SLC35F3: variants seen among roughly 807,000 people sequenced by gnomAD.
SLC35F3 encodes solute carrier family 35 member F3, also known as putative thiamine transporter SLC35F3.
In SLC35F3, 25 loss-of-function variants were observed where a neutral mutation model predicts 49.9. The observed-to-expected ratio is 0.50, with a 90% confidence interval of 0.37 to 0.70. The LOEUF (loss-of-function observed/expected upper bound fraction) is 0.70. Among genes scored for constraint, SLC35F3 ranks in the 30% least tolerant of loss-of-function variants. The pLI, the probability that SLC35F3 is intolerant of heterozygous loss-of-function variation, is 0.00. For synonymous variants in SLC35F3, 275 were observed against 265.4 expected, an observed-to-expected ratio of 1.04 and a Z score of -0.35; for missense variants, 525 against 639.8, an observed-to-expected ratio of 0.82 and a Z score of 1.94.
chr1:234,297,366 A>C (rs964253309), intron 3 of SLC35F3, among the ~76,000 whole-genome samples: 14 of 152,258 alleles, frequency 9.2e-5, no homozygotes, highest in Non-Finnish European at 1.5e-5. Flanking sequence ...ATGTTACCAC[A>C]GCACGATTCA....
At chr1:234,116,169 C>G (rs545195712) in intron 2 of SLC35F3, among the ~76,000 whole-genome samples, 14 of 152,154 alleles carry the variant, frequency 9.2e-5, no homozygotes, top group Non-Finnish European at 1.9e-4. Flanking sequence ...AAGTAGCTAC[C>G]TGTGGAGACA....
At chr1:233,971,736 A>C (rs1305970436) in intron 2 of SLC35F3, among the ~76,000 whole-genome samples, 1 of 141,944 alleles carries the variant, frequency 7.0e-6, no homozygotes, top group Admixed American at 7.0e-5. Context: ...AAAAAAAAAG[A>C]TACCCAGGCC....
At chr1:234,134,632 A>G (rs556689095) in intron 2 of SLC35F3, among the ~76,000 whole-genome samples, 3 of 152,238 alleles carry the variant, frequency 2.0e-5, no homozygotes, top group Non-Finnish European at 4.4e-5. Flanking sequence ...TCAACCAGAA[A>G]GGTTTGGAAA....
chr1:233,983,560 A>G (rs1193070419), intron 2 of SLC35F3, among the ~76,000 whole-genome samples: 1 of 152,254 alleles, frequency 6.6e-6, no homozygotes. Context: ...TACCTTTTAC[A>G]GATAGAATTA....
chr1:234,131,330 C>T (rs964603803), intron 2 of SLC35F3, among the ~76,000 whole-genome samples: 2 of 152,142 alleles, frequency 1.3e-5, no homozygotes, highest in African/African-American at 4.8e-5. Context: ...TCTGTTTCTT[C>T]TCCGTAGAGG....
rs1018426874 is a variant in SLC35F3, at chr1:233,904,863, C to T, written c.-215C>T. 7 of 288,970 alleles carry T rather than the reference C, an allele frequency of 2.4e-5. No homozygotes were observed. The highest frequency in any genetic ancestry group is 1.3e-4 in the African/African-American group (6 of 44,454). The allele number at this position is 288,970 out of a possible 1,614,324, so 17.9% of individuals were successfully genotyped here. ...CGCGGGCCGGCCTGGAGTCACCGGG[C>T]TGAACCGCCGCGCCTGCATCGTGCC... On this transcript the variant is annotated 5_prime_UTR_variant, in exon 1 of 8. Coordinates refer to ENST00000366618, the MANE Select transcript of SLC35F3 (RefSeq NM_173508.4).
At chr1:234,178,292 G>A (rs1243764220) in intron 2 of SLC35F3, among the ~76,000 whole-genome samples, 10 of 152,056 alleles carry the variant, frequency 6.6e-5, no homozygotes, top group East Asian at 3.9e-4. Context: ...CCTTGCCACC[G>A]AACTCATCCC....
chr1:234,237,349 T>C (rs952415120), intron 3 of SLC35F3, among the ~76,000 whole-genome samples: 2 of 152,198 alleles, frequency 1.3e-5, no homozygotes, highest in Admixed American at 6.5e-5. Context: ...CTGTCAACTT[T>C]TTGAGACTAC....
chr1:234,120,674 A>C (rs1278880881), intron 2 of SLC35F3, among the ~76,000 whole-genome samples: 1 of 152,248 alleles, frequency 6.6e-6, no homozygotes, highest in East Asian at 1.9e-4. Flanking sequence ...AAGAGCGTGA[A>C]GCTCAAGACA....
At chr1:234,234,055 A>G (rs1377380565) in intron 3 of SLC35F3, among the ~76,000 whole-genome samples, 1 of 152,204 alleles carries the variant, frequency 6.6e-6, no homozygotes, top group Non-Finnish European at 1.5e-5. Context: ...ATTCTGTCAC[A>G]ACTCATATTG....
At chr1:234,225,186 C>T (rs568379318) in intron 2 of SLC35F3, among the ~76,000 whole-genome samples, 7 of 152,214 alleles carry the variant, frequency 4.6e-5, no homozygotes, top group Non-Finnish European at 7.3e-5. Context: ...GTCTCCCCCC[C>T]TTTCCTCTAC....
intron 2 of SLC35F3, among the ~76,000 whole-genome samples, chr1:233,930,816 C>T (rs1053929396): frequency 2.0e-5 from 3 of 152,120 alleles, no homozygotes; most frequent in Non-Finnish European, 4.4e-5. Context: ...ATTTACTATT[C>T]ATTAAATGGA....
chr1:234,028,661 C>G (rs1664013280), intron 2 of SLC35F3, among the ~76,000 whole-genome samples: 1 of 152,180 alleles, frequency 6.6e-6, no homozygotes, highest in Non-Finnish European at 1.5e-5. Context: ...AAACACAATA[C>G]TAATACAGAG....
At chr1:233,925,461 C>T (rs574683820) in intron 2 of SLC35F3, among the ~76,000 whole-genome samples, 53 of 151,310 alleles carry the variant, frequency 3.5e-4, no homozygotes, top group African/African-American at 1.2e-3. Context: ...GCAACCCCTG[C>T]TTTTTTTTTG....
At chr1:234,038,056 G>T (rs917491857) in intron 2 of SLC35F3, among the ~76,000 whole-genome samples, 11 of 151,824 alleles carry the variant, frequency 7.2e-5, no homozygotes, top group Admixed American at 6.6e-4. Context: ...TTGGGGTGCT[G>T]CACCCATTAA....
chr1:233,960,291 C>T (rs1279347186), intron 2 of SLC35F3, among the ~76,000 whole-genome samples: 3 of 152,212 alleles, frequency 2.0e-5, no homozygotes, highest in African/African-American at 7.2e-5. Context: ...CCTCACCTGT[C>T]ACTTTGCCAG....
chr1:234,318,694 A>G (rs113774000), intron 5 of SLC35F3, 57 bp from the exon 6 acceptor site: 1 of 1,491,104 alleles, frequency 6.7e-7, no homozygotes, highest in Non-Finnish European at 9.2e-7. Flanking sequence ...CTTTGCTTAC[A>G]TCATATTGGG....
intron 2 of SLC35F3, among the ~76,000 whole-genome samples, chr1:234,158,878 T>C (rs2102912369): frequency 6.6e-6 from 1 of 152,324 alleles, no homozygotes; most frequent in Middle Eastern, 3.4e-3. Context: ...GAACCCTCCC[T>C]TTTTTGTGCT....
chr1:234,092,214 A>T (rs1348859759), intron 2 of SLC35F3, among the ~76,000 whole-genome samples: 1 of 152,202 alleles, frequency 6.6e-6, no homozygotes, highest in East Asian at 1.9e-4. Flanking sequence ...CCCTGAGTTT[A>T]TCTCTGTCTG....
Sources: gnomAD v4.1 joint callset for allele counts (sites outside exome capture counted in the v4.1 genomes callset) on GRCh38, gnomAD v4.1.1 for gene constraint, MANE v1.5 for transcripts, NCBI Gene and HGNC (gene_info 2026-07-23, HGNC 2026-07-21) for gene names.